MCM8: variants seen among roughly 807,000 people sequenced by gnomAD.
MCM8 encodes DNA helicase MCM8.
Under a neutral mutation model 98.9 loss-of-function variants are expected in MCM8, and 85 were observed. That is an observed-to-expected ratio of 0.86 (90% CI 0.72 to 1.03). MCM8 has a LOEUF of 1.03. MCM8 is among the 50% of genes least tolerant of loss of function. The pLI is 0.00. For synonymous variants in MCM8, 352 were observed against 338.6 expected, an observed-to-expected ratio of 1.04 and a Z score of -0.44; for missense variants, 951 against 997.8, an observed-to-expected ratio of 0.95 and a Z score of 0.63.
intron 12 of MCM8, among the ~76,000 whole-genome samples, chr20:5,975,550 G>A (rs971813393): frequency 4.1e-5 from 6 of 146,704 alleles, no homozygotes; most frequent in African/African-American, 1.5e-4. Context: ...AGGCTGGAGT[G>A]CAGTGGCATG....
Position 5,983,168 on chromosome 20 carries a change from A to G in MCM8, c.1733+3A>G. 1.2e-6 allele frequency: 2 copies of G among 1,606,548 alleles called. No individual in the cohort carries two copies. The highest frequency in any genetic ancestry group is 2.2e-5 in the South Asian group (2 of 90,024). On this transcript the variant is annotated splice_donor_region_variant and intron_variant, in intron 14 of 18. Coordinates refer to ENST00000610722, the MANE Select transcript of MCM8 (RefSeq NM_032485.6). ...AAAACAGTTTCTGAGAATTTAAAGT[A>G]AGTCTCTTCAAATATTTATACCTTT...
intron 13 of MCM8, among the ~76,000 whole-genome samples, 200 bp from the exon 14 acceptor site, chr20:5,982,770 A>G (rs17312578): frequency 0.018 from 2,786 of 152,320 alleles, 44 homozygotes; most frequent in Admixed American, 0.05. Context: ...AGGAAGAACT[A>G]TTACACAAAA....
chr20:5,955,398 G>A (rs2088951696), intron 5 of MCM8, 147 bp downstream of exon 5: 2 of 683,242 alleles, frequency 2.9e-6, no homozygotes, highest in South Asian at 4.7e-5. Context: ...ATGTTGGCTA[G>A]AACTGAGAGG....
intron 14 of MCM8, 53 bp downstream of exon 14, chr20:5,983,218 A>T (rs756902944): frequency 1.2e-5 from 17 of 1,430,412 alleles, no homozygotes; most frequent in Non-Finnish European, 1.6e-5. Flanking sequence ...CTTTAATTCA[A>T]TAAGAAAAAG....
Position 5,984,900 on chromosome 20 carries a change from G to A in MCM8, c.1853G>A (p.Arg618Lys), listed in dbSNP as rs373047941. ...HVIAIRAGKQ[R>K]TISSATVARM... ...ATTGCAATAAGAGCTGGAAAGCAGAGAACCATTAGCAGTGCCACAGTAGCT... is the reference window on the plus strand; with the variant it reads ...ATTGCAATAAGAGCTGGAAAGCAGAAAACCATTAGCAGTGCCACAGTAGCT... The change falls in exon 15 of 19, where the codon AGA becomes AAA. Residue 618 changes from arginine (R) to lysine (K), a missense_variant. Arg to Lys is a conservative substitution (Grantham distance 26, BLOSUM62 2). Transcript: ENST00000610722. 13 of 1,614,080 alleles carry A rather than the reference G, an allele frequency of 8.1e-6. No homozygotes were observed. The highest frequency in any genetic ancestry group is 9.3e-6 in the Non-Finnish European group (11 of 1,180,008).
rs971512484 is a variant in MCM8 at position 5,998,600 on chromosome 20, G to A, written c.*4209G>A. 3 of 152,176 alleles carry A rather than the reference G, an allele frequency of 2.0e-5. No homozygotes were observed. Among genetic ancestry groups the A allele is most frequent in the Admixed American group, 6.6e-5 (1 of 15,264 alleles). The allele number at this position is 152,176 out of a possible 1,614,324, so 9.4% of individuals were successfully genotyped here. A position where few individuals can be genotyped will look rare whatever the true frequency, so the allele number is the denominator to read the frequency against. On this transcript the variant is annotated 3_prime_UTR_variant, in exon 19 of 19. Coordinates refer to ENST00000610722, the MANE Select transcript of MCM8 (RefSeq NM_032485.6). ...TCTGGGAGTTAATTCTGGAGACCCA[G>A]TATGGAACCCACTCCTAGCCCTTGT...
chr20:5,968,593 G>T (rs2089331040), intron 10 of MCM8, among the ~76,000 whole-genome samples: 1 of 152,082 alleles, frequency 6.6e-6, no homozygotes, highest in Admixed American at 6.6e-5. Context: ...AAGTTCTATT[G>T]GAACATAGCC....
At chr20:5,952,641 C>T in intron 3 of MCM8, 113 bp downstream of exon 3, 2 of 827,950 alleles carry the variant, frequency 2.4e-6, no homozygotes, top group Non-Finnish European at 3.9e-6. Flanking sequence ...CTGCTTTAAT[C>T]TTAGTTCACC....
At chr20:5,964,107 GTTT>G in intron 8 of MCM8, among the ~76,000 whole-genome samples, 1 of 126,920 alleles carries the variant, frequency 7.9e-6, no homozygotes, top group East Asian at 2.4e-4. Flanking sequence ...TTACTATAGG[GTTT>G]TTTAATAGCT....
chr20:5,957,009 GTTT>G lies in MCM8; in HGVS notation c.487-115_487-113del. ...ATTAGATATTTAAAGGGCTGTTAAAGTTTTCTGTTTTTATTCTGTTTCTGTCCA... is the reference window on the plus strand; with the variant it reads ...ATTAGATATTTAAAGGGCTGTTAAAGTCTGTTTTTATTCTGTTTCTGTCCA... On this transcript the variant is annotated intron_variant, in intron 5 of 18. Coordinates refer to ENST00000610722, the MANE Select transcript of MCM8 (RefSeq NM_032485.6). The G allele has an allele frequency of 7.9e-6, 4 of 508,266 alleles. No homozygotes were observed. The South Asian group carries it at 1.6e-4, about 21-fold the overall frequency. The allele number at this position is 508,266 out of a possible 1,614,324, so 31.5% of individuals were successfully genotyped here.
At chr20:5,962,721 TA>T (rs1467413619) in intron 7 of MCM8, among the ~76,000 whole-genome samples, 1 of 152,234 alleles carries the variant, frequency 6.6e-6, no homozygotes, top group Non-Finnish European at 1.5e-5. Context: ...GTCTTGAAGA[TA>T]AATATTGTTG....
At chr20:5,969,724 A>G (rs139335219) in intron 10 of MCM8, among the ~76,000 whole-genome samples, 2,351 of 152,240 alleles carry the variant, frequency 0.015, 29 homozygotes, top group Middle Eastern at 0.068. Context: ...ATAGTGCTCC[A>G]CAGGGGTTTT....
chr20:5,987,192 G>T (rs948624231), intron 16 of MCM8, 90 bp from the exon 17 acceptor site: 2 of 1,292,758 alleles, frequency 1.5e-6, no homozygotes, highest in South Asian at 1.3e-5. Flanking sequence ...GTCAGTTTTT[G>T]TGTAAAACAA....
intron 13 of MCM8, among the ~76,000 whole-genome samples, chr20:5,978,794 G>A (rs183524151): frequency 1.3e-5 from 2 of 152,324 alleles, no homozygotes; most frequent in Admixed American, 1.3e-4. Flanking sequence ...CTGGCCTCAA[G>A]TGATCCACCC....
intron 3 of MCM8, among the ~76,000 whole-genome samples, chr20:5,953,847 A>T (rs2088900477): frequency 6.6e-6 from 1 of 152,012 alleles, no homozygotes; most frequent in South Asian, 2.1e-4. Context: ...GGCATGCAGT[A>T]GTCATTTTGT....
rs542825164 is a variant in MCM8, at chr20:5,994,952, T to G, written c.*561T>G. The G allele has an allele frequency of 2.2e-5, 4 of 177,852 alleles. No homozygotes were observed. The South Asian group carries it at 4.1e-4, about 18-fold the overall frequency. The allele number at this position is 177,852 out of a possible 1,614,324, so 11.0% of individuals were successfully genotyped here. A position where few individuals can be genotyped will look rare whatever the true frequency, so the allele number is the denominator to read the frequency against. On this transcript the variant is annotated 3_prime_UTR_variant, in exon 19 of 19. Transcript: ENST00000610722. ...ATTGTAGTGGTAGCCATGTGTTAAT[T>G]GTTAAATAAATTCTCCAAAGGGCTA...
At chr20:5,989,706 T>C (rs570636264) in intron 17 of MCM8, among the ~76,000 whole-genome samples, 3 of 152,322 alleles carry the variant, frequency 2.0e-5, no homozygotes, top group East Asian at 1.9e-4. Context: ...CCCTGGAGGC[T>C]GCTGTCTTCT....
Position 5,963,309 on chromosome 20 carries a change from T to G in MCM8, c.825T>G (p.Thr275=). The change falls in exon 8 of 19, where the codon ACT becomes ACG. Residue 275 remains threonine (T), a synonymous_variant. Transcript: ENST00000610722. ...PVPVCRGRSF[T]ALRSSPLTVT... is the part of the protein sequence containing the mutation. ...CTGTGTGTCGAGGCAGGTCATTTAC[T>G]GCTCTCCGCAGCTCTCCTCTCACAG... is the stretch of plus-strand genomic sequence containing the variant. The G allele has an allele frequency of 6.2e-7, 1 of 1,614,148 alleles. No homozygotes were observed. Among genetic ancestry groups the G allele is most frequent in the Non-Finnish European group, 8.5e-7 (1 of 1,180,020 alleles).
At chr20:5,962,982 A>C (rs1668565220) in intron 7 of MCM8, among the ~76,000 whole-genome samples, 1 of 152,344 alleles carries the variant, frequency 6.6e-6, no homozygotes, top group South Asian at 2.1e-4. Flanking sequence ...GCATGGGCAC[A>C]GAGGAAGCAA....
Sources: gnomAD v4.1 joint callset for allele counts (sites outside exome capture counted in the v4.1 genomes callset) on GRCh38, gnomAD v4.1.1 for gene constraint, MANE v1.5 for transcripts, NCBI Gene and HGNC (gene_info 2026-07-23, HGNC 2026-07-21) for gene names.